Variants in CPVL observed in about 807,000 individuals in gnomAD.
CPVL encodes carboxypeptidase vitellogenic like.
Under a neutral mutation model 63.7 loss-of-function variants are expected in CPVL, and 51 were observed. The observed-to-expected ratio is 0.80, with a 90% CI of 0.64 to 1.01. CPVL has a LOEUF of 1.01. Ranked by LOEUF, CPVL falls within the 50% of genes least tolerant of loss-of-function variation. The pLI is 0.00. For synonymous variants in CPVL, 195 were observed against 206.0 expected (o/e 0.95, Z 0.46); for missense variants, 530 against 573.1 (o/e 0.92, Z 0.77).
At position 29,064,068 on chromosome 7, in the gene CPVL, T is replaced by C; in HGVS notation, c.1130A>G (p.Asn377Ser). The change falls in exon 11 of 13, where the codon AAT becomes AGT. Residue 377 changes from asparagine (N) to serine (S), a missense_variant. Transcript: ENST00000265394. ...VKPWLTEIMNNYKVLIYNGQL... is the reference protein window; with the variant it reads ...VKPWLTEIMNSYKVLIYNGQL... ...CTGAAGTAGCTCTCTTACCTTATAA[T>C]TATTCATGATTTCAGTTAACCATGG... The C allele has an allele frequency of 6.2e-7, 1 of 1,609,366 alleles. No homozygotes were observed. Among genetic ancestry groups the C allele is most frequent in the Non-Finnish European group, 8.5e-7 (1 of 1,176,122 alleles).
intron 11 of CPVL, among the ~76,000 whole-genome samples, chr7:29,043,843 G>A (rs1381658094): frequency 1.3e-5 from 2 of 152,156 alleles, no homozygotes; most frequent in Non-Finnish European, 2.9e-5. Flanking sequence ...TCGGCAGTGG[G>A]AAGTGTGACA....
intron 12 of CPVL, among the ~76,000 whole-genome samples, chr7:29,023,065 ACTG>A (rs1207118871): frequency 4.6e-5 from 7 of 152,190 alleles, no homozygotes; most frequent in Non-Finnish European, 8.8e-5. Context: ...AGTGCCCACT[ACTG>A]CTATCGCCAT....
intron 5 of CPVL, among the ~76,000 whole-genome samples, chr7:29,093,413 A>G (rs928058398): frequency 2.0e-5 from 3 of 148,536 alleles, no homozygotes; most frequent in African/African-American, 7.4e-5. Context: ...GAAACTCTTT[A>G]GGCTGAAGAA....
chr7:29,177,676 ATCTG>A (rs1797540764), intron 5 of CPVL, among the ~76,000 whole-genome samples: 1 of 149,554 alleles, frequency 6.7e-6, no homozygotes. Flanking sequence ...CTATTTATCT[ATCTG>A]TCCATCCATC....
In CPVL at chr7:29,167,453, C is replaced by T. The variant is rs139041587; in HGVS notation, c.-11+13837G>A. 1.7e-3 allele frequency among the ~76,000 whole-genome samples: 263 copies of T among 152,246 alleles called. 7 individuals carry two copies. In the East Asian group the frequency reaches 0.047, roughly 27 times the overall value. ...TTTTTGCTTGTTTGATTCGCTGGTACAAACAGTGCTTCTATGACCATATTT... is the reference window on the plus strand; with the variant it reads ...TTTTTGCTTGTTTGATTCGCTGGTATAAACAGTGCTTCTATGACCATATTT... On this transcript the variant is annotated intron_variant, in intron 5 of 16. Transcript: ENST00000409850.
intron 12 of CPVL, among the ~76,000 whole-genome samples, chr7:28,997,716 A>G (rs1302964636): frequency 1.3e-5 from 2 of 148,712 alleles, no homozygotes; most frequent in East Asian, 2.2e-4. Context: ...CCTCTACTCA[A>G]TCATTCCTTA....
chr7:29,014,136 G>A (rs1786144329), intron 12 of CPVL, among the ~76,000 whole-genome samples: 1 of 152,118 alleles, frequency 6.6e-6, no homozygotes, highest in African/African-American at 2.4e-5. Flanking sequence ...GTGGGGTGTG[G>A]TTTGATTACT....
chr7:29,194,802 C>A, intron 1 of CPVL: 1 of 649,064 alleles, frequency 1.5e-6, no homozygotes. Flanking sequence ...AGGCAGAGTC[C>A]GGAGGCTGGT....
At chr7:29,173,949 C>CAA (rs74313059) in intron 5 of CPVL, among the ~76,000 whole-genome samples, 2 of 115,804 alleles carry the variant, frequency 1.7e-5, no homozygotes, top group Non-Finnish European at 3.7e-5. Flanking sequence ...GAGACTGACT[C>CAA]AAAAAAAAAA....
rs142849043 is a variant in CPVL, at chr7:29,007,313, C to T, written c.1321-11431G>A. On this transcript the variant is annotated intron_variant, in intron 12 of 12. Coordinates refer to ENST00000265394, the MANE Select transcript of CPVL (RefSeq NM_031311.5). ...TTAGAAGCATTCTTCTTATGCTAATCGGTCCTCTCTAATGAAATAGAACCA... is the reference window on the plus strand; with the variant it reads ...TTAGAAGCATTCTTCTTATGCTAATTGGTCCTCTCTAATGAAATAGAACCA... Among the ~76,000 whole-genome samples, 438 of 152,298 alleles carry T rather than the reference C, an allele frequency of 2.9e-3. 1 individual carries two copies. The highest frequency in any genetic ancestry group is 9.9e-3 in the African/African-American group (413 of 41,564).
intron 2 of CPVL, among the ~76,000 whole-genome samples, chr7:29,117,641 C>T (rs1247681258): frequency 6.6e-6 from 1 of 152,104 alleles, no homozygotes; most frequent in African/African-American, 2.4e-5. Flanking sequence ...TTAATTCAAG[C>T]TCTGCCACTT....
intron 11 of CPVL, 58 bp from the exon 12 acceptor site, chr7:29,030,817 C>G (rs75815984): frequency 6.9e-6 from 10 of 1,458,586 alleles, no homozygotes; most frequent in Non-Finnish European, 9.3e-6. Flanking sequence ...GCTCATGAAT[C>G]GAGCTAGGTA....
intron 1 of CPVL, among the ~76,000 whole-genome samples, chr7:29,125,714 G>A (rs1470067560): frequency 1.3e-5 from 2 of 152,050 alleles, no homozygotes; most frequent in South Asian, 4.1e-4. Flanking sequence ...CTTTATTCCA[G>A]ATATATTCAA....
intron 7 of CPVL, among the ~76,000 whole-genome samples, chr7:29,075,956 G>GTTTTTTTTTTTTTTTTT (rs1554335832): frequency 9.1e-6 from 1 of 110,336 alleles, no homozygotes; most frequent in Non-Finnish European, 1.7e-5. Context: ...TGTTGAGATA[G>GTTTTTTTTTTTTTTTTT]TTTTTTTTTT....
chr7:29,018,222 ATT>A (rs1005586160), intron 12 of CPVL, among the ~76,000 whole-genome samples: 1 of 152,098 alleles, frequency 6.6e-6, no homozygotes, highest in Admixed American at 6.6e-5. Context: ...ATGAAAAATA[ATT>A]TGTGTCAATA....
chr7:29,103,546 C>T (rs1471246092), intron 3 of CPVL, among the ~76,000 whole-genome samples: 1 of 152,000 alleles, frequency 6.6e-6, no homozygotes, highest in Non-Finnish European at 1.5e-5. Flanking sequence ...AGCCACCACA[C>T]CCAGCCTCAT....
rs150781870 is a variant in CPVL, at chr7:29,051,828, C to T, written c.1137+12233G>A. Among the ~76,000 whole-genome samples the T allele has an allele frequency of 2.3e-3, 356 of 151,732 alleles. 1 individual carries two copies. The highest frequency in any genetic ancestry group is 4.1e-3 in the Non-Finnish European group (280 of 67,914). ...CAGCACAACTCGCAACTGCAAAATC[C>T]GTGGAACCAAAACCAACCCAAATGC... On this transcript the variant is annotated intron_variant, in intron 11 of 12. Transcript: ENST00000265394.
intron 1 of CPVL, among the ~76,000 whole-genome samples, chr7:29,139,417 T>A (rs983056183): frequency 1.3e-5 from 2 of 151,974 alleles, no homozygotes; most frequent in African/African-American, 2.4e-5. Flanking sequence ...ACAGGGATGA[T>A]TCACGCAGGC....
intron 12 of CPVL, among the ~76,000 whole-genome samples, chr7:29,024,684 T>C (rs530190996): frequency 1.1e-4 from 16 of 152,294 alleles, no homozygotes; most frequent in Admixed American, 2.0e-4. Context: ...GAAAATGAGA[T>C]GGTATATTCA....
Sources: allele counts gnomAD v4.1 joint callset (sites outside exome capture counted in the v4.1 genomes callset), GRCh38; gene constraint gnomAD v4.1.1; transcripts MANE v1.5; gene names NCBI Gene and HGNC (gene_info 2026-07-23, HGNC 2026-07-21).